Variants in UBA6 observed in about 807,000 individuals in gnomAD.
The protein encoded by UBA6 is ubiquitin like modifier activating enzyme 6.
Under a neutral mutation model 148.3 loss-of-function variants are expected in UBA6, and 87 were observed. That is an observed-to-expected ratio of 0.59 (90% CI 0.49 to 0.70). The LOEUF (loss-of-function observed/expected upper bound fraction) is 0.70, where lower values mean the gene tolerates loss of function less well. Ranked by LOEUF, UBA6 falls within the 30% of genes least tolerant of loss-of-function variation. UBA6 has a pLI of 0.00. For missense variants in UBA6, 1,186 were observed against 1,241.2 expected (o/e 0.96, Z 0.67); for synonymous variants, 376 against 401.0 (o/e 0.94, Z 0.75).
intron 17 of UBA6, among the ~76,000 whole-genome samples, chr4:67,642,184 G>A (rs1320411567): frequency 6.6e-6 from 1 of 151,880 alleles, no homozygotes; most frequent in Non-Finnish European, 1.5e-5. Context: ...TCATTCCCCT[G>A]TATTTTTGCC....
intron 26 of UBA6, 72 bp from the exon 27 acceptor site, chr4:67,629,214 A>G (rs1312938830): frequency 2.1e-6 from 2 of 968,340 alleles, no homozygotes; most frequent in Non-Finnish European, 3.3e-6. Context: ...ATCCTACAAA[A>G]GGTCCTTAAT....
chr4:67,696,400 T>A (rs766784849), intron 2 of UBA6, among the ~76,000 whole-genome samples: 17 of 148,372 alleles, frequency 1.1e-4, no homozygotes, highest in Non-Finnish European at 2.1e-4. Context: ...TATGTGTGTA[T>A]ATATACACAC....
rs112017125 is a variant in UBA6, at chr4:67,633,246, A to C, written c.2142+99T>G. On this transcript the variant is annotated intron_variant, in intron 23 of 32. Transcript: ENST00000322244. ...CTACTAATTTCTGAAAAGCTTGCCA[A>C]AAGAAAGAATACACATTTCAGGTCA... The C allele has an allele frequency of 8.0e-4, 881 of 1,106,896 alleles. 4 individuals are homozygous for C. The African/African-American group carries it at 0.013, about 16-fold the overall frequency. The allele number at this position is 1,106,896 out of a possible 1,614,324, so 68.6% of individuals were successfully genotyped here.
At chr4:67,699,070 CAT>C (rs2109964670) in intron 1 of UBA6, among the ~76,000 whole-genome samples, 1 of 152,202 alleles carries the variant, frequency 6.6e-6, no homozygotes, top group South Asian at 2.1e-4. Flanking sequence ...ATTATAGTAA[CAT>C]ATTATTTATA....
chr4:67,670,114 T>C (rs545895998), intron 8 of UBA6, among the ~76,000 whole-genome samples: 1 of 152,160 alleles, frequency 6.6e-6, no homozygotes, highest in Non-Finnish European at 1.5e-5. Context: ...GGTTAATTTT[T>C]TGTATTTTTG....
chr4:67,670,720 T>C (rs868549356), intron 7 of UBA6, 128 bp from the exon 8 acceptor site: 5 of 715,998 alleles, frequency 7.0e-6, no homozygotes, highest in Middle Eastern at 7.4e-4. Flanking sequence ...GAATACAAAG[T>C]AAATCATAAA....
intron 2 of UBA6, among the ~76,000 whole-genome samples, chr4:67,687,790 C>T (rs556427289): frequency 5.3e-5 from 8 of 152,264 alleles, no homozygotes; most frequent in South Asian, 4.1e-4. Context: ...GCTCCAACCA[C>T]GTCCCTGCAA....
At chr4:67,657,314 G>A (rs921654774) in intron 13 of UBA6, among the ~76,000 whole-genome samples, 51 of 152,280 alleles carry the variant, frequency 3.3e-4, no homozygotes, top group African/African-American at 1.2e-3. Flanking sequence ...AGAACAGCAT[G>A]GTACTGGTAC....
At chr4:67,632,331 C>G in intron 23 of UBA6, among the ~76,000 whole-genome samples, 1 of 152,104 alleles carries the variant, frequency 6.6e-6, no homozygotes, top group East Asian at 1.9e-4. Context: ...GCTTCAAAAT[C>G]ACCTGGGGGA....
At chr4:67,650,340 T>C (rs1473062476) in intron 13 of UBA6, among the ~76,000 whole-genome samples, 1 of 152,116 alleles carries the variant, frequency 6.6e-6, no homozygotes, top group Non-Finnish European at 1.5e-5. Context: ...AGCTAGTAAA[T>C]GGTGAAGCCA....
intron 2 of UBA6, among the ~76,000 whole-genome samples, chr4:67,694,503 T>G (rs1028912043): frequency 6.6e-6 from 1 of 151,728 alleles, no homozygotes; most frequent in Non-Finnish European, 1.5e-5. Flanking sequence ...GCCATTCTCC[T>G]GCCTCAGCCT....
At chr4:67,668,402 T>C (rs982317007) in intron 9 of UBA6, 149 bp downstream of exon 9, 19 of 703,544 alleles carry the variant, frequency 2.7e-5, no homozygotes, top group Non-Finnish European at 3.7e-5. Flanking sequence ...CATCAGTGTT[T>C]AACAATGTCT....
At position 67,649,179 on chromosome 4, in the gene UBA6, G is replaced by C; in HGVS notation, c.1137C>G (p.Leu379=). 1 of 1,612,468 alleles carries C rather than the reference G, an allele frequency of 6.2e-7. No homozygotes were observed. The highest frequency in any genetic ancestry group is 8.5e-7 in the Non-Finnish European group (1 of 1,179,434). The change falls in exon 14 of 33, where the codon CTC becomes CTG. Residue 379 remains leucine (L), a synonymous_variant. Coordinates refer to ENST00000322244, the MANE Select transcript of UBA6 (RefSeq NM_018227.6). The part of the protein sequence containing the change: ...PDVNADIVHW[L]SWTAQGFLSP... ...ATAAAAAGCCTTGGGCAGTCCAAGA[G>C]AGCCAATGCACAATGTCAGCATTTA...
chr4:67,661,838 A>G (rs899104667), intron 13 of UBA6: 1 of 304,166 alleles, frequency 3.3e-6, no homozygotes, highest in African/African-American at 2.2e-5. Flanking sequence ...GGTGACTTAT[A>G]TAAGAAAGCT....
intron 13 of UBA6, among the ~76,000 whole-genome samples, 153 bp from the exon 14 acceptor site, chr4:67,649,364 A>G (rs1239129913): frequency 6.6e-6 from 1 of 152,230 alleles, no homozygotes; most frequent in Non-Finnish European, 1.5e-5. Flanking sequence ...CAATTTCATG[A>G]TAACAGACCC....
chr4:67,700,414 G>A (rs1224799727), intron 1 of UBA6, among the ~76,000 whole-genome samples: 2 of 152,166 alleles, frequency 1.3e-5, no homozygotes, highest in Non-Finnish European at 2.9e-5. Context: ...CAAGAAATTG[G>A]TAAAGGCCTA....
At position 67,631,923 on chromosome 4, in the gene UBA6, T is replaced by A. The variant is rs1361330567; in HGVS notation, c.2143-15A>T. ...AGCTGAAGAGCCTAAAGAAAAAAAA[T>A]GAATTAAAGACACCCACTACTTAAT... On this transcript the variant is annotated splice_polypyrimidine_tract_variant and intron_variant, in intron 23 of 32. Transcript: ENST00000322244. The A allele has an allele frequency of 6.2e-7, 1 of 1,605,780 alleles. No individual in the cohort carries two copies. Among genetic ancestry groups the A allele is most frequent in the Non-Finnish European group, 8.5e-7 (1 of 1,176,494 alleles).
chr4:67,631,362 C>T lies in UBA6; in HGVS notation c.2258+346G>A, dbSNP rs116341684. The stretch of plus-strand genomic sequence containing the variant: ...AGTTATTCAGTAGTAATTATTTGTT[C>T]CTCCATATAACTGAAGATTCTTATA... On this transcript the variant is annotated intron_variant, in intron 25 of 32. Coordinates refer to ENST00000322244, the MANE Select transcript of UBA6 (RefSeq NM_018227.6). Among the ~76,000 whole-genome samples the T allele has an allele frequency of 3.7e-3, 569 of 152,160 alleles. 3 individuals carry two copies. Among genetic ancestry groups the T allele is most frequent in the African/African-American group, 0.013 (546 of 41,516 alleles).
chr4:67,644,546 A>G (rs1729376365), intron 17 of UBA6, 152 bp downstream of exon 17: 1 of 559,070 alleles, frequency 1.8e-6, no homozygotes, highest in East Asian at 2.9e-5. Context: ...TAAGTTTTGA[A>G]AAGTGGTCAG....
Sources: allele counts gnomAD v4.1 joint callset (sites outside exome capture counted in the v4.1 genomes callset), GRCh38; gene constraint gnomAD v4.1.1; transcripts MANE v1.5; gene names NCBI Gene and HGNC (gene_info 2026-07-23, HGNC 2026-07-21).